Variants in CEPT1 observed in about 807,000 individuals in gnomAD.
CEPT1 encodes the protein choline/ethanolamine phosphotransferase 1, also known as choline/ethanolaminephosphotransferase 1.
Under a neutral mutation model 42.6 loss-of-function variants are expected in CEPT1, and 7 were observed. That is an observed-to-expected ratio of 0.16 (90% confidence interval 0.09 to 0.31). The LOEUF is 0.31. CEPT1 is among the 10% of genes least tolerant of loss of function. The pLI is 1.00. For missense variants in CEPT1, 306 were observed against 502.1 expected (o/e 0.61, Z 3.73); for synonymous variants, 171 against 171.9 (o/e 0.99, Z 0.04).
intron 5 of CEPT1, chr1:111,178,284 A>C (rs1403238185): frequency 6.6e-6 from 1 of 152,244 alleles, no homozygotes; most frequent in Non-Finnish European, 1.5e-5. Flanking sequence ...GTTTATGGTC[A>C]GAACAAATAA....
intron 2 of CEPT1, among the ~76,000 whole-genome samples, chr1:111,156,112 A>G (rs1476280766): frequency 3.9e-5 from 6 of 152,032 alleles, no homozygotes; most frequent in Admixed American, 2.0e-4. Context: ...TTCTGTTTTT[A>G]TATTTTTCAA....
At chr1:111,148,653 A>G (rs1279825595) in intron 2 of CEPT1, among the ~76,000 whole-genome samples, 1 of 152,160 alleles carries the variant, frequency 6.6e-6, no homozygotes, top group Non-Finnish European at 1.5e-5. Context: ...GCTTACAAAG[A>G]CTCACACAGG....
intron 3 of CEPT1, chr1:111,160,343 G>A (rs1352881954): frequency 6.6e-6 from 1 of 151,872 alleles, no homozygotes; most frequent in Non-Finnish European, 1.5e-5. Context: ...GTTTTATTTA[G>A]TTTCTCAATT....
intron 2 of CEPT1, among the ~76,000 whole-genome samples, chr1:111,158,902 CTTTTTTTTTTTTTTTT>C (rs149230078): frequency 7.2e-5 from 4 of 55,436 alleles, no homozygotes; most frequent in Non-Finnish European, 1.4e-4. Context: ...TTTTACAATT[CTTTTTTTTTTTTTTTT>C]TTTTTTTTTT....
chr1:111,158,070 G>C (rs1228370496), intron 2 of CEPT1, among the ~76,000 whole-genome samples: 1 of 152,150 alleles, frequency 6.6e-6, no homozygotes, highest in Admixed American at 6.5e-5. Flanking sequence ...GGCTGGGTGC[G>C]TTGGCTCACG....
chr1:111,142,645 C>A (rs1447865425), intron 1 of CEPT1, among the ~76,000 whole-genome samples: 2 of 152,048 alleles, frequency 1.3e-5, no homozygotes, highest in Admixed American at 1.3e-4. Flanking sequence ...AGAGCGAGAT[C>A]CTGTCTCACT....
intron 2 of CEPT1, among the ~76,000 whole-genome samples, chr1:111,151,127 T>TG (rs201687444): frequency 0.013 from 1,809 of 142,984 alleles, 51 homozygotes; most frequent in African/African-American, 0.044. Flanking sequence ...TTTTTTTGTT[T>TG]GTTTTTTTTT....
Position 111,184,174 on chromosome 1 carries a change from G to A in CEPT1, c.1132-17G>A, listed in dbSNP as rs1657139216. 6.2e-7 allele frequency: 1 copy of A among 1,612,486 alleles called. No homozygotes were observed. The highest frequency in any genetic ancestry group is 8.5e-7 in the Non-Finnish European group (1 of 1,179,042). On this transcript the variant is annotated splice_polypyrimidine_tract_variant and intron_variant, in intron 8 of 8. Transcript: ENST00000357172. ...GAGAGCCTAAACGGGTGCTGAGAAT[G>A]TCTCTTTTCTTTCCAGGTTTTCTCT...
chr1:111,167,306 G>T lies in CEPT1; in HGVS notation c.629+6010G>T, dbSNP rs983099204. On this transcript the variant is annotated intron_variant, in intron 4 of 8. Coordinates refer to ENST00000357172, the MANE Select transcript of CEPT1 (RefSeq NM_006090.5). ...TGAAAAATCAAAAGTCTTCCTGTTGGTATGTCACAAACAGGTTATTAGAAA... is the reference window on the plus strand; with the variant it reads ...TGAAAAATCAAAAGTCTTCCTGTTGTTATGTCACAAACAGGTTATTAGAAA... 1.7e-5 allele frequency: 17 copies of T among 976,794 alleles called. No individual in the cohort carries two copies. In the African/African-American group the frequency reaches 2.5e-4, roughly 14 times the overall value. The allele number at this position is 976,794 out of a possible 1,614,324, so 60.5% of individuals were successfully genotyped here.
At chr1:111,154,292 G>A (rs1399303472) in intron 2 of CEPT1, among the ~76,000 whole-genome samples, 1 of 149,210 alleles carries the variant, frequency 6.7e-6, no homozygotes, top group Non-Finnish European at 1.5e-5. Context: ...TTTTTTTCCA[G>A]CTAGTTTGTT....
intron 2 of CEPT1, among the ~76,000 whole-genome samples, chr1:111,158,183 AAAAAT>A (rs1655669710): frequency 1.3e-5 from 2 of 152,168 alleles, no homozygotes; most frequent in African/African-American, 4.8e-5. Context: ...CTCTACTAAA[AAAAAT>A]AAAATAAAAT....
At chr1:111,176,859 TCA>T (rs1273858131) in intron 5 of CEPT1, among the ~76,000 whole-genome samples, 1 of 152,226 alleles carries the variant, frequency 6.6e-6, no homozygotes, top group Non-Finnish European at 1.5e-5. Flanking sequence ...TGGTTTGGCA[TCA>T]GTGTTACTCC....
intron 5 of CEPT1, chr1:111,181,565 G>A (rs1454206458): frequency 6.6e-6 from 1 of 152,168 alleles, no homozygotes; most frequent in East Asian, 1.9e-4. Context: ...CACAATAGTA[G>A]AATCTGTTTG....
At chr1:111,167,695 A>T (rs766447699) in intron 4 of CEPT1, 41 of 983,802 alleles carry the variant, frequency 4.2e-5, no homozygotes, top group Non-Finnish European at 4.9e-5. Context: ...GTTGTATAAT[A>T]TTTATGCTGG....
rs183487255 is a variant in CEPT1 at position 111,177,887 on chromosome 1, A to G, written c.714+2924A>G. 2.1e-3 allele frequency among the ~76,000 whole-genome samples: 316 copies of G among 152,252 alleles called. 1 individual carries two copies. The highest frequency in any genetic ancestry group is 7.1e-3 in the African/African-American group (297 of 41,544). ...ATCCTATTGTTAGCACTTTGGTCCT[A>G]CTGTTAGCATCATTAAACCAAAAGG... On this transcript the variant is annotated intron_variant, in intron 5 of 8. Transcript: ENST00000357172.
At chr1:111,178,435 A>G (rs1380864062) in intron 5 of CEPT1, 2 of 151,660 alleles carry the variant, frequency 1.3e-5, no homozygotes, top group Non-Finnish European at 2.9e-5. Context: ...ACCAAAGATT[A>G]TAGTTATTGT....
At chr1:111,146,310 C>A (rs1041263651) in intron 1 of CEPT1, among the ~76,000 whole-genome samples, 1 of 152,106 alleles carries the variant, frequency 6.6e-6, no homozygotes, top group African/African-American at 2.4e-5. Flanking sequence ...TTAAAAGTCA[C>A]ATGTATATAT....
chr1:111,180,423 G>T (rs903304908), intron 5 of CEPT1: 13 of 152,124 alleles, frequency 8.5e-5, no homozygotes, highest in African/African-American at 3.1e-4. Context: ...AAATCTCTTG[G>T]AGTTCAAAGC....
At chr1:111,141,884 AT>A (rs1193144841) in intron 1 of CEPT1, among the ~76,000 whole-genome samples, 3 of 151,362 alleles carry the variant, frequency 2.0e-5, no homozygotes, top group Non-Finnish European at 4.4e-5. Context: ...AGCCATGAGT[AT>A]TTTTCTTTAG....
Sources: allele counts gnomAD v4.1 joint callset (sites outside exome capture counted in the v4.1 genomes callset), GRCh38; gene constraint gnomAD v4.1.1; transcripts MANE v1.5; gene names NCBI Gene and HGNC (gene_info 2026-07-23, HGNC 2026-07-21).